The following VAT1L variants were observed in gnomAD, a reference collection of about 807,000 sequenced individuals.
The protein encoded by VAT1L is putative NADPH-dependent quinone oxidoreductase VAT1L.
Under a neutral mutation model 44.1 loss-of-function variants are expected in VAT1L, and 34 were observed. That is an observed-to-expected ratio of 0.77 (90% CI 0.59 to 1.03). The LOEUF is 1.03. VAT1L is among the 50% of genes least tolerant of loss of function. VAT1L has a pLI of 0.00. For missense variants in VAT1L, 615 were observed against 538.8 expected (o/e 1.14, Z -1.40); for synonymous variants, 253 against 202.2 (o/e 1.25, Z -2.13).
intron 7 of VAT1L, among the ~76,000 whole-genome samples, chr16:77,964,587 T>A (rs978267583): frequency 6.6e-6 from 1 of 152,060 alleles, no homozygotes; most frequent in Non-Finnish European, 1.5e-5. Flanking sequence ...GCTTAATCAC[T>A]TCTACAAAGT....
intron 2 of VAT1L, among the ~76,000 whole-genome samples, chr16:77,820,712 T>C (rs372356071): frequency 5.9e-5 from 9 of 152,318 alleles, no homozygotes; most frequent in East Asian, 5.8e-4. Context: ...TTTTCCAATC[T>C]ATATAAAGGG....
At chr16:77,883,155 G>C (rs570733538) in intron 6 of VAT1L, among the ~76,000 whole-genome samples, 3 of 152,076 alleles carry the variant, frequency 2.0e-5, no homozygotes. Context: ...ATATAAATGA[G>C]CTCAATGATA....
intron 7 of VAT1L, among the ~76,000 whole-genome samples, chr16:77,916,910 G>A (rs1295338845): frequency 6.6e-6 from 1 of 151,674 alleles, no homozygotes; most frequent in Non-Finnish European, 1.5e-5. Context: ...TGCACTCATG[G>A]TAATATTAGT....
intron 7 of VAT1L, among the ~76,000 whole-genome samples, chr16:77,908,676 G>C (rs1217946946): frequency 1.3e-5 from 2 of 152,030 alleles, no homozygotes; most frequent in African/African-American, 4.8e-5. Context: ...AGCTCTTTGG[G>C]AGGCCGAGAT....
At chr16:77,903,729 CA>C (rs2017408745) in intron 7 of VAT1L, among the ~76,000 whole-genome samples, 3 of 145,042 alleles carry the variant, frequency 2.1e-5, no homozygotes, top group African/African-American at 7.6e-5. Flanking sequence ...CGGTTTCTCT[CA>C]TTACTTTTTT....
In VAT1L at chr16:77,788,715, G is replaced by A. The variant is rs771965589; in HGVS notation, c.33G>A (p.Glu11=). ...AGGAAGGCGTGGAGAAGGCGGAGGA[G>A]ACGGAGCAAATGATCGAGAAGGAGG... MAKEGVEKAE[E]TEQMIEKEAG... Residue 11 remains glutamate (E), a synonymous_variant, in exon 1 of 9, where the codon GAG becomes GAA. Transcript: ENST00000302536. 1.9e-6 allele frequency: 3 copies of A among 1,555,284 alleles called. No individual in the cohort carries two copies. Among genetic ancestry groups the A allele is most frequent in the South Asian group, 1.2e-5 (1 of 84,434 alleles).
At chr16:77,797,023 T>TG (rs1281781842) in intron 1 of VAT1L, among the ~76,000 whole-genome samples, 1 of 152,026 alleles carries the variant, frequency 6.6e-6, no homozygotes, top group African/African-American at 2.4e-5. Flanking sequence ...AATGGTACAG[T>TG]GGTCACTACT....
intron 1 of VAT1L, among the ~76,000 whole-genome samples, chr16:77,792,396 G>T (rs1246923481): frequency 6.6e-6 from 1 of 152,096 alleles, no homozygotes; most frequent in Admixed American, 6.5e-5. Context: ...ACCTGACGCA[G>T]GGATCCTTTT....
chr16:77,978,468 C>T lies in VAT1L; in HGVS notation c.*773C>T, dbSNP rs143838699. 1 of 152,246 alleles carries T rather than the reference C, an allele frequency of 6.6e-6. No homozygotes were observed. Among genetic ancestry groups the T allele is most frequent in the Non-Finnish European group, 1.5e-5 (1 of 68,056 alleles). The allele number at this position is 152,246 out of a possible 1,614,324, so 9.4% of individuals were successfully genotyped here. The stretch of plus-strand genomic sequence containing the variant: ...TATCTGTTTCAATTTTAAGAAAGCA[C>T]CACATACAAGACACATTCAGAAGTC... On this transcript the variant is annotated 3_prime_UTR_variant, in exon 9 of 9. Coordinates refer to ENST00000302536, the MANE Select transcript of VAT1L (RefSeq NM_020927.3).
intron 7 of VAT1L, among the ~76,000 whole-genome samples, chr16:77,902,960 G>T (rs1331361340): frequency 1.5e-5 from 2 of 136,102 alleles, no homozygotes; most frequent in Non-Finnish European, 3.1e-5. Flanking sequence ...GCCACAGAGG[G>T]AGACTCTGTC....
intron 1 of VAT1L, among the ~76,000 whole-genome samples, chr16:77,797,766 G>C (rs1003718811): frequency 6.6e-6 from 1 of 152,194 alleles, no homozygotes; most frequent in Non-Finnish European, 1.5e-5. Flanking sequence ...TCCTAAGAGA[G>C]AGCCTTTTGG....
intron 4 of VAT1L, among the ~76,000 whole-genome samples, chr16:77,874,961 C>A (rs1333672540): frequency 1.3e-5 from 2 of 151,470 alleles, no homozygotes; most frequent in East Asian, 1.9e-4. Flanking sequence ...GTTAGAAATG[C>A]AAATCCCCAC....
At chr16:77,961,948 G>C (rs745800792) in intron 7 of VAT1L, among the ~76,000 whole-genome samples, 8 of 152,176 alleles carry the variant, frequency 5.3e-5, no homozygotes, top group Non-Finnish European at 1.0e-4. Context: ...TCATTGCATT[G>C]TGACAAATCC....
chr16:77,960,573 G>A (rs1030506321), intron 7 of VAT1L, among the ~76,000 whole-genome samples: 1 of 152,136 alleles, frequency 6.6e-6, no homozygotes, highest in Non-Finnish European at 1.5e-5. Context: ...GGAATGAAAG[G>A]GGAAATATCT....
intron 6 of VAT1L, among the ~76,000 whole-genome samples, chr16:77,880,907 G>A (rs190050471): frequency 7.9e-5 from 12 of 152,176 alleles, no homozygotes; most frequent in East Asian, 3.9e-4. Flanking sequence ...CTGCATCCAC[G>A]TTGCTGCAAA....
chr16:77,940,340 GTTT>G (rs66546770), intron 7 of VAT1L, among the ~76,000 whole-genome samples: 5 of 112,518 alleles, frequency 4.4e-5, no homozygotes, highest in African/African-American at 1.0e-4. Context: ...ATACCACTTG[GTTT>G]TTTTTTTTTT....
intron 7 of VAT1L, among the ~76,000 whole-genome samples, chr16:77,897,616 G>A (rs967907105): frequency 1.3e-5 from 2 of 152,072 alleles, no homozygotes; most frequent in African/African-American, 4.8e-5. Flanking sequence ...GATTACAGGC[G>A]ACGCCAGCCA....
intron 7 of VAT1L, among the ~76,000 whole-genome samples, chr16:77,913,000 G>A (rs2017514711): frequency 6.6e-6 from 1 of 152,064 alleles, no homozygotes; most frequent in Non-Finnish European, 1.5e-5. Context: ...CCTCCCAAAG[G>A]CCTCACCCCC....
chr16:77,898,775 C>A (rs192502314), intron 7 of VAT1L, among the ~76,000 whole-genome samples: 2 of 152,316 alleles, frequency 1.3e-5, no homozygotes, highest in African/African-American at 4.8e-5. Flanking sequence ...AACAGGCTTA[C>A]CAGTGCCCTT....
Sources: gnomAD v4.1 joint callset for allele counts (sites outside exome capture counted in the v4.1 genomes callset) on GRCh38, gnomAD v4.1.1 for gene constraint, MANE v1.5 for transcripts, NCBI Gene and HGNC (gene_info 2026-07-23, HGNC 2026-07-21) for gene names.